SLC35B1: variants seen among roughly 807,000 people sequenced by gnomAD.
The protein encoded by SLC35B1 is ATP/ADP exchanger ER.
In SLC35B1, 27 loss-of-function variants were observed where a neutral mutation model predicts 36.6. The observed-to-expected ratio is 0.74, with a 90% CI of 0.54 to 1.02. The LOEUF is 1.02. Among genes scored for constraint, SLC35B1 ranks in the 50% least tolerant of loss-of-function variants. The probability of loss-of-function intolerance (pLI) is 0.00; values close to 1 mark genes in which losing one functional copy is unlikely to be tolerated. For synonymous variants in SLC35B1, 162 were observed against 152.5 expected (o/e 1.06, Z -0.46); for missense variants, 321 against 383.2 (o/e 0.84, Z 1.35).
chr17:49,701,494 G>C lies in SLC35B1; in HGVS notation c.933C>G (p.Ala311=), dbSNP rs2073350507. 12 of 1,613,632 alleles carry C rather than the reference G, an allele frequency of 7.4e-6. No homozygotes were observed. The East Asian group carries it at 2.5e-4, about 33-fold the overall frequency. ...TCTTCTTAGCTCCTTTCCCAAACTTGGCATCAAGACCAAGACCTATGAAAA... is the reference window on the plus strand; with the variant it reads ...TCTTCTTAGCTCCTTTCCCAAACTTCGCATCAAGACCAAGACCTATGAAAA... ...VLVFLGLGLD[A]KFGKGAKKTS... The change falls in exon 9 of 9, where the codon GCC becomes GCG. Residue 311 remains alanine (A), a synonymous_variant. Coordinates refer to ENST00000240333, the MANE Select transcript of SLC35B1 (RefSeq NM_005827.4).
chr17:49,701,180 G>A lies in SLC35B1; in HGVS notation c.*278C>T, dbSNP rs1412610939. On this transcript the variant is annotated 3_prime_UTR_variant, in exon 9 of 9. Coordinates refer to ENST00000240333, the MANE Select transcript of SLC35B1 (RefSeq NM_005827.4). The stretch of plus-strand genomic sequence containing the variant: ...CCACTCAACCATGCTAACCACACCC[G>A]TGAGAGGAGCAGCCTGGGTAATGAA... 2.4e-5 allele frequency: 9 copies of A among 369,408 alleles called. No individual in the cohort carries two copies. Among genetic ancestry groups the A allele is most frequent in the Admixed American group, 3.8e-5 (1 of 26,122 alleles). The allele number at this position is 369,408 out of a possible 1,614,324, so 22.9% of individuals were successfully genotyped here. A position where few individuals can be genotyped will look rare whatever the true frequency, so the allele number is the denominator to read the frequency against.
chr17:49,701,713 T>C (rs2073353105), intron 8 of SLC35B1: 1 of 518,038 alleles, frequency 1.9e-6, no homozygotes. Context: ...TCTGTATCTA[T>C]ATAAATATAT....
chr17:49,701,890 G>A, intron 8 of SLC35B1: 1 of 375,282 alleles, frequency 2.7e-6, no homozygotes, highest in South Asian at 2.0e-5. Context: ...AGGAGTTTAA[G>A]GCCAGCCTAG....
At chr17:49,701,603 C>A in intron 8 of SLC35B1, 93 bp from the exon 9 acceptor site, 2 of 939,152 alleles carry the variant, frequency 2.1e-6, no homozygotes, top group Non-Finnish European at 3.5e-6. Context: ...CTTGTATCTC[C>A]AAAATGGGGG....
intron 2 of SLC35B1, 27 bp downstream of exon 2, chr17:49,706,938 C>G (rs1412959174): frequency 6.5e-7 from 1 of 1,549,668 alleles, no homozygotes; most frequent in Non-Finnish European, 8.9e-7. Context: ...GGTGGGGTAC[C>G]CAACAAATTA....
At position 49,705,195 on chromosome 17, in the gene SLC35B1, G is replaced by A. The variant is rs1396275761; in HGVS notation, c.457C>T (p.Leu153Phe). 2 of 1,614,086 alleles carry A rather than the reference G, an allele frequency of 1.2e-6. No homozygotes were observed. The highest frequency in any genetic ancestry group is 1.7e-5 in the Admixed American group (1 of 60,002). The change falls in exon 5 of 9, where the codon CTT becomes TTT. Residue 153 changes from leucine (L) to phenylalanine (F), a missense_variant. By Grantham distance (22) the Leu-to-Phe change is conservative. Transcript: ENST00000240333. The stretch of plus-strand genomic sequence containing the variant: ...ACTTTCTTGGGTTTGTACATGAAAA[G>A]GGCCACTCCAGCCACAATTAACAGC... ...CVLLIVAGVA[L>F]FMYKPKKVVG...
At chr17:49,703,334 C>T (rs751070734) in intron 6 of SLC35B1, 40 bp from the exon 7 acceptor site, 11 of 1,220,818 alleles carry the variant, frequency 9.0e-6, no homozygotes, top group East Asian at 2.4e-5. Flanking sequence ...GCATTTTGTG[C>T]ACACAAAATG....
chr17:49,706,865 C>A, intron 2 of SLC35B1, 100 bp downstream of exon 2: 1 of 826,696 alleles, frequency 1.2e-6, no homozygotes, highest in East Asian at 2.5e-5. Flanking sequence ...GGGTGGAGAT[C>A]ATGAGTTAGC....
In SLC35B1 at chr17:49,706,097, G is replaced by A. The variant is rs945440311; in HGVS notation, c.339+107C>T. On this transcript the variant is annotated intron_variant, in intron 3 of 8. Coordinates refer to ENST00000240333, the MANE Select transcript of SLC35B1 (RefSeq NM_005827.4). ...TACACTCCCAATGTCTTACAGGACC[G>A]TTATCTTTTTTTTTTTTTTTTTTTT... is the stretch of plus-strand genomic sequence containing the variant. The A allele has an allele frequency of 5.6e-5, 68 of 1,223,666 alleles. No individual in the cohort carries two copies. In the Middle Eastern group the frequency reaches 6.6e-4, roughly 12 times the overall value. 75.8% of individuals were successfully genotyped at this position (1,223,666 alleles called of 1,614,324 possible).
chr17:49,701,864 AG>A, intron 8 of SLC35B1: 1 of 361,000 alleles, frequency 2.8e-6, no homozygotes, highest in South Asian at 2.1e-5. Flanking sequence ...CTGAGGCAGG[AG>A]GATCATTTGA....
chr17:49,701,582 G>C, intron 8 of SLC35B1, 72 bp from the exon 9 acceptor site: 10 of 1,331,796 alleles, frequency 7.5e-6, no homozygotes, highest in Non-Finnish European at 1.1e-5. Flanking sequence ...TGGTGGGGTG[G>C]GGTAGTCGGC....
rs1337842902 is a variant in SLC35B1, at chr17:49,707,786, G to A, written c.48C>T (p.Leu16=). 2 of 1,611,756 alleles carry A rather than the reference G, an allele frequency of 1.2e-6. No homozygotes were observed. Among genetic ancestry groups the A allele is most frequent in the Admixed American group, 3.3e-5 (2 of 60,004 alleles). The change falls in exon 1 of 9, where the codon CTC becomes CTT. Residue 16 remains leucine, a synonymous_variant. Coordinates refer to ENST00000240333, the MANE Select transcript of SLC35B1 (RefSeq NM_005827.4). ...AGCAGACAAAGACACCCAGGAAGCA[G>A]AGCGGCAGGCGCAGCCGGTCGGGCA... ...SLVPDRLRLP[L]CFLGVFVCYF... is the part of the protein sequence containing the mutation.
chr17:49,704,247 C>G lies in SLC35B1; in HGVS notation c.529-21G>C, dbSNP rs375103437. The G allele has an allele frequency of 3.2e-5, 51 of 1,611,210 alleles. No individual in the cohort carries two copies. The African/African-American group carries it at 6.3e-4, about 20-fold the overall frequency. ...AATAGCTGGGAAAGAAAGGGTGCAG[C>G]CTGCAGTGAAGTGGCCAACAGGGCC... On this transcript the variant is annotated intron_variant, in intron 5 of 8. Transcript: ENST00000240333.
chr17:49,701,947 G>C, intron 8 of SLC35B1: 1 of 394,978 alleles, frequency 2.5e-6, no homozygotes, highest in Non-Finnish European at 5.0e-6. Context: ...AAAAAAATTG[G>C]TCAGGTATTG....
Position 49,704,137 on chromosome 17 carries a change from C to G in SLC35B1, c.618G>C (p.Leu206=). The G allele has an allele frequency of 6.2e-7, 1 of 1,614,136 alleles. No homozygotes were observed. Among genetic ancestry groups the G allele is most frequent in the Middle Eastern group, 1.7e-4 (1 of 6,060 alleles). Residue 206 remains leucine (L), a synonymous_variant, in exon 6 of 9, where the codon CTG becomes CTC. Coordinates refer to ENST00000240333, the MANE Select transcript of SLC35B1 (RefSeq NM_005827.4). ...HYQTGSNHMM[L]NINLWSTLLL... is the part of the protein sequence containing the mutation. ...GCAATGTCGACCAAAGGTTGATGTT[C>G]AGCATCATGTGGTTGGAGCCTGTTT...
intron 8 of SLC35B1, 189 bp downstream of exon 8, chr17:49,702,669 A>C (rs1375849994): frequency 5.4e-6 from 3 of 550,736 alleles, no homozygotes; most frequent in South Asian, 2.6e-5. Context: ...GAGGAGGAGG[A>C]GGCTCACCCG....
intron 1 of SLC35B1, chr17:49,707,480 C>T: frequency 6.7e-7 from 1 of 1,486,572 alleles, no homozygotes; most frequent in South Asian, 1.2e-5. Flanking sequence ...CTGTAAAACG[C>T]AGGCCCTTAG....
chr17:49,707,111 T>G, intron 1 of SLC35B1, 43 bp from the exon 2 acceptor site: 1 of 1,506,586 alleles, frequency 6.6e-7, no homozygotes. Flanking sequence ...AATTAGTGTA[T>G]TTCACTCACT....
At position 49,707,915 on chromosome 17, in the gene SLC35B1, G is replaced by C; in HGVS notation, c.-82C>G. 2 of 1,579,650 alleles carry C rather than the reference G, an allele frequency of 1.3e-6. No individual in the cohort carries two copies. Among genetic ancestry groups the C allele is most frequent in the Non-Finnish European group, 1.7e-6 (2 of 1,162,976 alleles). On this transcript the variant is annotated 5_prime_UTR_variant, in exon 1 of 9. Transcript: ENST00000240333. Reference sequence around the variant, plus strand: ...GCGGCGGAGGCGACAGCTCCAGCCGGACATCGCCGACCGGCGGCAGGGGCC... The same window carrying C: ...GCGGCGGAGGCGACAGCTCCAGCCGCACATCGCCGACCGGCGGCAGGGGCC...
Sources: gnomAD v4.1 joint callset for allele counts on GRCh38, gnomAD v4.1.1 for gene constraint, MANE v1.5 for transcripts, NCBI Gene and HGNC (gene_info 2026-07-23, HGNC 2026-07-21) for gene names.